The following DRC11 variants were observed in gnomAD, a reference collection of about 807,000 sequenced individuals.
DRC11 encodes the protein dynein regulatory complex subunit 11.
the DRC11 span, chr2:236,344,705 C>G: frequency 7.9e-7 from 1 of 1,265,090 alleles, no homozygotes; most frequent in African/African-American, 1.5e-5. Context: ...GTGCAGAGCC[C>G]TGGTTGTAAA....
At chr2:236,412,935 A>C in the DRC11 span, 1 of 152,254 alleles carries the variant, frequency 6.6e-6, no homozygotes, top group Non-Finnish European at 1.5e-5. Context: ...AGGCTGGTAT[A>C]GTTGCAGCTG....
the DRC11 span, among the ~76,000 whole-genome samples, chr2:236,472,027 G>GA: frequency 6.6e-6 from 1 of 152,216 alleles, no homozygotes; most frequent in East Asian, 1.9e-4. This position sits in a 1 kb window ranked among gnomAD's most constrained non-coding sequence, Gnocchi z 4.6. Context: ...CCAATACAAA[G>GA]AAAAAACTAA....
At chr2:236,392,264 G>A in the DRC11 span, 1 of 1,591,426 alleles carries the variant, frequency 6.3e-7, no homozygotes, top group Non-Finnish European at 8.6e-7. This position sits in a 1 kb window ranked among gnomAD's most constrained non-coding sequence, Gnocchi z 5.1. Context: ...ATCTCTGACT[G>A]TAATTCTTTT....
chr2:236,441,138 A>C, the DRC11 span: 2 of 1,524,948 alleles, frequency 1.3e-6, no homozygotes, highest in Non-Finnish European at 1.8e-6. Flanking sequence ...CAGGAAAAAA[A>C]ATAGCAAATT....
the DRC11 span, among the ~76,000 whole-genome samples, chr2:236,406,491 T>C: frequency 2.6e-5 from 4 of 152,298 alleles, no homozygotes; most frequent in Middle Eastern, 3.4e-3. The surrounding 1 kb of genome is among the most constrained non-coding windows in gnomAD (Gnocchi z 4.7). Context: ...ACATCTGTTC[T>C]CAGCGGCTTT....
chr2:236,414,629 G>A, the DRC11 span, among the ~76,000 whole-genome samples: 1 of 152,034 alleles, frequency 6.6e-6, no homozygotes, highest in Non-Finnish European at 1.5e-5. Flanking sequence ...CAGGACTACT[G>A]TGCTTTTGTG....
At chr2:236,417,979 T>C in the DRC11 span, among the ~76,000 whole-genome samples, 182 of 152,346 alleles carry the variant, frequency 1.2e-3, 4 homozygotes, top group East Asian at 0.024. Flanking sequence ...AGTCTATCAT[T>C]GATGGGCATT....
chr2:236,471,533 G>A, the DRC11 span, among the ~76,000 whole-genome samples: 11 of 152,322 alleles, frequency 7.2e-5, no homozygotes, highest in African/African-American at 2.4e-4. The surrounding 1 kb of genome is among the most constrained non-coding windows in gnomAD (Gnocchi z 4.6). Context: ...TGAATGATGT[G>A]AGCATCTAAA....
At chr2:236,410,476 T>A in the DRC11 span, among the ~76,000 whole-genome samples, 3 of 151,116 alleles carry the variant, frequency 2.0e-5, no homozygotes, top group Non-Finnish European at 4.4e-5. Context: ...CTGCCCAAGG[T>A]AATTTACAGA....
At chr2:236,443,998 A>C in the DRC11 span, among the ~76,000 whole-genome samples, 1 of 145,196 alleles carries the variant, frequency 6.9e-6, no homozygotes, top group Non-Finnish European at 1.5e-5. This position sits in a 1 kb window ranked among gnomAD's most constrained non-coding sequence, Gnocchi z 4.4. Context: ...TTTTTTTGAG[A>C]AGTGTCTGTT....
chr2:236,351,870 AG>A, the DRC11 span, among the ~76,000 whole-genome samples: 1 of 151,136 alleles, frequency 6.6e-6, no homozygotes, highest in Non-Finnish European at 1.5e-5. The surrounding 1 kb of genome is among the most constrained non-coding windows in gnomAD (Gnocchi z 7.3). Context: ...GATGGTAATG[AG>A]GGGGTCAGTG....
chr2:236,480,476 T>C, the DRC11 span, among the ~76,000 whole-genome samples: 1 of 152,200 alleles, frequency 6.6e-6, no homozygotes, highest in Non-Finnish European at 1.5e-5. Flanking sequence ...GCCTTCAAGC[T>C]GATTCTTTCC....
At chr2:236,422,409 T>C in the DRC11 span, among the ~76,000 whole-genome samples, 5 of 151,526 alleles carry the variant, frequency 3.3e-5, no homozygotes, top group East Asian at 7.8e-4. Flanking sequence ...TATACACCAA[T>C]AACAAACAGA....
the DRC11 span, among the ~76,000 whole-genome samples, chr2:236,415,802 G>A: frequency 6.6e-6 from 1 of 152,096 alleles, no homozygotes; most frequent in Non-Finnish European, 1.5e-5. This position sits in a 1 kb window ranked among gnomAD's most constrained non-coding sequence, Gnocchi z 5.7. Context: ...AGATTTACAC[G>A]GAACAAGCTT....
At chr2:236,493,589 T>C in the DRC11 span, among the ~76,000 whole-genome samples, 108 of 152,294 alleles carry the variant, frequency 7.1e-4, no homozygotes, top group Middle Eastern at 0.01. Flanking sequence ...AAATAATGAT[T>C]ATATATCACC....
chr2:236,339,557 C>T, the DRC11 span, among the ~76,000 whole-genome samples: 1 of 152,220 alleles, frequency 6.6e-6, no homozygotes, highest in East Asian at 1.9e-4. Context: ...ATTTTTAGGT[C>T]TTTGATACAT....
At chr2:236,474,686 G>A in the DRC11 span, among the ~76,000 whole-genome samples, 2 of 151,824 alleles carry the variant, frequency 1.3e-5, no homozygotes, top group Admixed American at 6.6e-5. Context: ...TGTATTTTAC[G>A]GGTGTTGAAC....
chr2:236,487,015 A>T, the DRC11 span: 12 of 734,210 alleles, frequency 1.6e-5, no homozygotes, highest in South Asian at 1.9e-4. Context: ...CCTAAGCTCT[A>T]GGCTGTCCAT....
At chr2:236,488,040 T>C in the DRC11 span, 11 of 1,604,652 alleles carry the variant, frequency 6.9e-6, no homozygotes, top group African/African-American at 1.5e-4. Flanking sequence ...ATCTGTCACT[T>C]TCTTGCCAAG....
Sources: allele counts gnomAD v4.1 joint callset (sites outside exome capture counted in the v4.1 genomes callset), GRCh38; gene constraint gnomAD v4.1.1; non-coding constraint Gnocchi (gnomAD v3.1); transcripts MANE v1.5; gene names NCBI Gene and HGNC (gene_info 2026-07-23, HGNC 2026-07-21).